The following RGS14 variants were observed in gnomAD, a reference collection of about 807,000 sequenced individuals.
The protein encoded by RGS14 is regulator of G-protein signaling 14.
A neutral mutation model predicts 63.8 loss-of-function variants in RGS14; 33 were observed. The ratio of observed to expected loss-of-function variants is 0.52; its 90% CI spans 0.39 to 0.69. The LOEUF (loss-of-function observed/expected upper bound fraction) is 0.69, where lower values mean the gene tolerates loss of function less well. Ranked by LOEUF, RGS14 falls within the 30% of genes least tolerant of loss-of-function variation. The probability of loss-of-function intolerance (pLI) is 0.00; values close to 1 mark genes in which losing one functional copy is unlikely to be tolerated. For missense variants in RGS14, 739 were observed against 742.9 expected (o/e 0.99, Z 0.06); for synonymous variants, 296 against 320.9 (o/e 0.92, Z 0.83).
chr5:177,359,922 G>C lies in RGS14; in HGVS notation c.45+1853G>C, dbSNP rs1188807162. 6.6e-6 allele frequency among the ~76,000 whole-genome samples: 1 copy of C among 152,190 alleles called. No homozygotes were observed. Among genetic ancestry groups the C allele is most frequent in the Non-Finnish European group, 1.5e-5 (1 of 68,032 alleles). ...ATGCTGTGCCGAGGTCAGCCAGAGA[G>C]TAGAGCGTCAGCATCTGAACCCCCA... is the stretch of plus-strand genomic sequence containing the variant. On this transcript the variant is annotated intron_variant, in intron 1 of 14. Transcript: ENST00000408923. This position sits in a 1 kb window ranked among gnomAD's most constrained non-coding sequence, Gnocchi z 4.4.
Position 177,371,256 on chromosome 5 carries a change from G to T in RGS14, c.1336+10G>T, listed in dbSNP as rs1026704977. On this transcript the variant is annotated intron_variant, in intron 12 of 14. Transcript: ENST00000408923. This position sits in a 1 kb window ranked among gnomAD's most constrained non-coding sequence, Gnocchi z 6.1. Reference sequence around the variant, plus strand: ...TTGGACACTCTTCCAGGTAGGGGACGCTGGCCTCGGGGCTTGATCTGGAAC... The same window carrying T: ...TTGGACACTCTTCCAGGTAGGGGACTCTGGCCTCGGGGCTTGATCTGGAAC... 2.5e-6 allele frequency: 4 copies of T among 1,613,910 alleles called. No homozygotes were observed. Among genetic ancestry groups the T allele is most frequent in the South Asian group, 2.2e-5 (2 of 91,084 alleles).
At position 177,366,192 on chromosome 5, in the gene RGS14, C is replaced by A; in HGVS notation, c.83C>A (p.Thr28Lys). The part of the protein sequence containing the change: ...AVSDGELSST[T>K]GPQGQGEGRG... ...CCCCCTGCAGAGCTGAGCAGCACGACGGGGCCCCAGGGCCAGGGCGAGGGC... is the reference window on the plus strand; with the variant it reads ...CCCCCTGCAGAGCTGAGCAGCACGAAGGGGCCCCAGGGCCAGGGCGAGGGC... The change falls in exon 3 of 15, where the codon ACG (threonine) becomes AAG (lysine). Residue 28 changes from threonine (T) to lysine (K), a missense_variant. Coordinates refer to ENST00000408923, the MANE Select transcript of RGS14 (RefSeq NM_006480.5). 2 of 1,607,968 alleles carry A rather than the reference C, an allele frequency of 1.2e-6. No individual in the cohort carries two copies. The highest frequency in any genetic ancestry group is 1.7e-6 in the Non-Finnish European group (2 of 1,177,884).
Position 177,368,815 on chromosome 5 carries a change from C to G in RGS14, c.948C>G (p.Ala316=). ...TGCCCGATGGCACAGCCTCCTTGGC[C>G]CTGGCCAGACCTGGCCTCACCATCC... ...VYLPDGTASL[A]LARPGLTIRD... The change falls in exon 9 of 15, where the codon GCC becomes GCG. Residue 316 remains alanine (A), a synonymous_variant. Transcript: ENST00000408923. 1 of 1,614,212 alleles carries G rather than the reference C, an allele frequency of 6.2e-7. No individual in the cohort carries two copies. Among genetic ancestry groups the G allele is most frequent in the Middle Eastern group, 1.6e-4 (1 of 6,062 alleles).
intron 8 of RGS14, 54 bp downstream of exon 8, chr5:177,368,320 A>T: frequency 1.3e-6 from 2 of 1,524,062 alleles, no homozygotes; most frequent in Non-Finnish European, 1.8e-6. Flanking sequence ...GTCACTACTC[A>T]GGCCCATTTA....
rs765574776 is a variant in RGS14, at chr5:177,371,059, GGGGCGGGGCC to G, written c.1254+33_1254+42del. On this transcript the variant is annotated intron_variant, in intron 11 of 14. Coordinates refer to ENST00000408923, the MANE Select transcript of RGS14 (RefSeq NM_006480.5). This position sits in a 1 kb window ranked among gnomAD's most constrained non-coding sequence, Gnocchi z 6.1. The stretch of plus-strand genomic sequence containing the variant: ...GAGCTTCCGGGCCGCGGGGCGGGGC[GGGGCGGGGCC>G]GGGCCGGGGCCGGGGCCGGGGCCGG... The G allele has an allele frequency of 7.6e-5, 87 of 1,145,750 alleles. 6 individuals are homozygous for G. The African/African-American group carries it at 1.1e-3, about 15-fold the overall frequency. The allele number at this position is 1,145,750 out of a possible 1,614,324, so 71.0% of individuals were successfully genotyped here. A position where few individuals can be genotyped will look rare whatever the true frequency, so the allele number is the denominator to read the frequency against.
chr5:177,359,520 C>A lies in RGS14; in HGVS notation c.45+1451C>A, dbSNP rs375003992. ...AGAGGGGGCCCAGAGACAGACCCAG[C>A]CCCTGCCCCTTCTGTGTCAGCCTGT... On this transcript the variant is annotated intron_variant, in intron 1 of 14. Coordinates refer to ENST00000408923, the MANE Select transcript of RGS14 (RefSeq NM_006480.5). The surrounding 1 kb of genome is among the most constrained non-coding windows in gnomAD (Gnocchi z 4.4). 7.9e-5 allele frequency among the ~76,000 whole-genome samples: 12 copies of A among 152,320 alleles called. No individual in the cohort carries two copies. The East Asian group carries it at 2.3e-3, about 29-fold the overall frequency.
intron 8 of RGS14, 147 bp downstream of exon 8, chr5:177,368,413 T>C: frequency 1.2e-6 from 1 of 868,078 alleles, no homozygotes; most frequent in South Asian, 1.8e-5. Context: ...CCTCCTTACT[T>C]GTCTCACTAC....
chr5:177,365,188 T>C (rs1762060800), intron 1 of RGS14, among the ~76,000 whole-genome samples: 2 of 152,084 alleles, frequency 1.3e-5, no homozygotes, highest in African/African-American at 4.8e-5. Flanking sequence ...GTGGATATAT[T>C]TTTATTTGAT....
chr5:177,367,194 G>C, intron 5 of RGS14, 160 bp downstream of exon 5: 1 of 1,124,156 alleles, frequency 8.9e-7, no homozygotes, highest in Non-Finnish European at 1.2e-6. Flanking sequence ...TCAGAGGGCG[G>C]TATCAGAGGC....
In RGS14 at chr5:177,366,452, C is replaced by T. The variant is rs1034851534; in HGVS notation, c.246+97C>T. The stretch of plus-strand genomic sequence containing the variant: ...CCAGAGTGGGGTCCTCTGTCAGCTT[C>T]CTCATCTAGCCTTCCTGCAGCACCC... On this transcript the variant is annotated intron_variant, in intron 3 of 14. Transcript: ENST00000408923. 2.8e-6 allele frequency: 3 copies of T among 1,084,204 alleles called. No homozygotes were observed. In the African/African-American group the frequency reaches 4.8e-5, roughly 17 times the overall value. The allele number at this position is 1,084,204 out of a possible 1,614,324, so 67.2% of individuals were successfully genotyped here.
Position 177,367,776 on chromosome 5 carries a change from A to T in RGS14, c.690A>T (p.Pro230=). 6.2e-7 allele frequency: 1 copy of T among 1,612,110 alleles called. No individual in the cohort carries two copies. The highest frequency in any genetic ancestry group is 1.1e-5 in the South Asian group (1 of 90,782). ...PLGVEELGQL[P]PVEGPGGRPL... is the part of the protein sequence containing the mutation. ...GTGTGGAGGAGTTGGGGCAGCTGCC[A>T]CCCGTTGAGGGTCCTGGGGGCCGCC... Residue 230 remains proline, a synonymous_variant, in exon 7 of 15, where the codon CCA becomes CCT. Transcript: ENST00000408923.
In RGS14 at chr5:177,371,154, T is replaced by C. The variant is rs115710790; in HGVS notation, c.1255-11T>C. ...AGGCCTGTACCGCGGGCTGCTGACC[T>C]CTCCCCACAGCCAGGCGAGAAACAG... On this transcript the variant is annotated splice_polypyrimidine_tract_variant and intron_variant, in intron 11 of 14. Coordinates refer to ENST00000408923, the MANE Select transcript of RGS14 (RefSeq NM_006480.5). This position sits in a 1 kb window ranked among gnomAD's most constrained non-coding sequence, Gnocchi z 6.1. 9,488 of 1,607,008 alleles carry C rather than the reference T, an allele frequency of 5.9e-3. 544 individuals carry two copies. The African/African-American group carries it at 0.11, about 19-fold the overall frequency.
At chr5:177,360,039 C>T (rs1761927044) in intron 1 of RGS14, among the ~76,000 whole-genome samples, 1 of 152,214 alleles carries the variant, frequency 6.6e-6, no homozygotes, top group Non-Finnish European at 1.5e-5. Context: ...GCCTCTCTGC[C>T]ATTCAGCTTG....
At position 177,367,421 on chromosome 5, in the gene RGS14, A is replaced by G. The variant is rs552852831; in HGVS notation, c.491A>G (p.Asn164Ser). ...MFRAQQLQIF[N>S]LMKFDSYARF... ...TCCGGGGTCGCCCCGCAGATCTTCA[A>G]CTTGATGAAGTTCGACAGCTATGCG... The change falls in exon 6 of 15, where the codon AAC becomes AGC. Residue 164 changes from asparagine to serine, a missense_variant. Asn to Ser is a conservative substitution (Grantham distance 46). Coordinates refer to ENST00000408923, the MANE Select transcript of RGS14 (RefSeq NM_006480.5). The G allele has an allele frequency of 1.0e-5, 16 of 1,605,866 alleles. No homozygotes were observed. In the African/African-American group the frequency reaches 1.3e-4, roughly 13 times the overall value.
At chr5:177,367,261 C>G in intron 5 of RGS14, 153 bp from the exon 6 acceptor site, 2 of 1,155,342 alleles carry the variant, frequency 1.7e-6, no homozygotes, top group Non-Finnish European at 2.4e-6. Context: ...GCTTGGACCC[C>G]GGGGGTGGGT....
At chr5:177,366,011 G>A (rs1762081784) in intron 2 of RGS14, 27 bp downstream of exon 2, 1 of 1,613,050 alleles carries the variant, frequency 6.2e-7, no homozygotes, top group East Asian at 2.2e-5. Flanking sequence ...GTGGAGAACT[G>A]GCTGAGTGGG....
At position 177,371,068 on chromosome 5, in the gene RGS14, CCGGGCCGGGGCCG is replaced by C. The variant is rs1275098266; in HGVS notation, c.1254+38_1254+50del. The stretch of plus-strand genomic sequence containing the variant: ...GGCCGCGGGGCGGGGCGGGGCGGGG[CCGGGCCGGGGCCG>C]GGGCCGGGGCCGGGGCCGGGGCCGG... On this transcript the variant is annotated intron_variant, in intron 11 of 14. Coordinates refer to ENST00000408923, the MANE Select transcript of RGS14 (RefSeq NM_006480.5). The surrounding 1 kb of genome is among the most constrained non-coding windows in gnomAD (Gnocchi z 6.1). The C allele has an allele frequency of 2.3e-3, 1,376 of 600,946 alleles. 35 individuals carry two copies. In the African/African-American group the frequency reaches 0.048, roughly 21 times the overall value. The allele number at this position is 600,946 out of a possible 1,614,324, so 37.2% of individuals were successfully genotyped here.
chr5:177,360,391 T>C (rs968104273), intron 1 of RGS14, among the ~76,000 whole-genome samples: 2 of 150,948 alleles, frequency 1.3e-5, no homozygotes, highest in South Asian at 2.1e-4. Flanking sequence ...CTGGGCAACA[T>C]AGTGAGGACC....
Position 177,371,908 on chromosome 5 carries a change from G to A in RGS14, c.1534G>A (p.Gly512Arg), listed in dbSNP as rs376698630. ...GCTGCTGAACCGGGTGCAGAGCAGCGGGGCCCACGACCAGAGGGGCCTTCT... is the reference window on the plus strand; with the variant it reads ...GCTGCTGAACCGGGTGCAGAGCAGCAGGGCCCACGACCAGAGGGGCCTTCT... ...VELLNRVQSS[G>R]AHDQRGLLRK... The change falls in exon 15 of 15, where the codon GGG becomes AGG. Residue 512 changes from glycine (G) to arginine (R), a missense_variant. Physicochemically the swap from Gly to Arg is moderately radical, Grantham distance 125. Transcript: ENST00000408923. The surrounding 1 kb of genome is among the most constrained non-coding windows in gnomAD (Gnocchi z 6.1). 4.0e-5 allele frequency: 64 copies of A among 1,613,786 alleles called. No homozygotes were observed. Among genetic ancestry groups the A allele is most frequent in the Non-Finnish European group, 5.1e-5 (60 of 1,179,980 alleles).
Sources: allele counts gnomAD v4.1 joint callset (sites outside exome capture counted in the v4.1 genomes callset), GRCh38; gene constraint gnomAD v4.1.1; non-coding constraint Gnocchi (gnomAD v3.1); transcripts MANE v1.5; gene names NCBI Gene and HGNC (gene_info 2026-07-23, HGNC 2026-07-21).